TACR3: variants seen among roughly 807,000 people sequenced by gnomAD.
The protein encoded by TACR3 is tachykinin receptor 3.
Under a neutral mutation model 35.0 loss-of-function variants are expected in TACR3, and 34 were observed. The ratio of observed to expected loss-of-function variants is 0.97; its 90% CI spans 0.74 to 1.30. The LOEUF (loss-of-function observed/expected upper bound fraction) is 1.30. TACR3 is among the 50% of genes most tolerant of loss of function. The probability of loss-of-function intolerance (pLI) is 0.00; values close to 1 mark genes in which losing one functional copy is unlikely to be tolerated. For missense variants in TACR3, 558 were observed against 591.7 expected (o/e 0.94, Z 0.59); for synonymous variants, 233 against 221.1 (o/e 1.05, Z -0.48).
chr4:103,702,622 T>C (rs1722681673), intron 1 of TACR3, among the ~76,000 whole-genome samples: 1 of 152,036 alleles, frequency 6.6e-6, no homozygotes, highest in Admixed American at 6.6e-5. Flanking sequence ...TGCGGCACTA[T>C]TCACAATAGC....
intron 1 of TACR3, among the ~76,000 whole-genome samples, chr4:103,708,704 C>CT (rs1722859658): frequency 6.6e-6 from 1 of 152,190 alleles, no homozygotes; most frequent in Non-Finnish European, 1.5e-5. Flanking sequence ...GATCAAACTT[C>CT]TCTGAGCTAA....
chr4:103,598,570 G>T (rs966699666), intron 3 of TACR3, among the ~76,000 whole-genome samples: 9 of 151,932 alleles, frequency 5.9e-5, no homozygotes, highest in African/African-American at 1.7e-4. Context: ...TTTCTTCTAG[G>T]GTTTTTATGG....
At chr4:103,692,827 CTGCTAAGGGAGAGTCAT>C (rs779995950) in intron 1 of TACR3, among the ~76,000 whole-genome samples, 2 of 152,110 alleles carry the variant, frequency 1.3e-5, no homozygotes, top group Non-Finnish European at 2.9e-5. Context: ...GGCCAGGTTA[CTGCTAAGGGAGAGTCAT>C]TGCCCAGGCT....
chr4:103,708,302 A>G (rs1478106301), intron 1 of TACR3, among the ~76,000 whole-genome samples: 1 of 150,088 alleles, frequency 6.7e-6, no homozygotes, highest in Non-Finnish European at 1.5e-5. Flanking sequence ...TCTGAGATGA[A>G]GCTTCCAGAG....
At chr4:103,663,509 CAT>C (rs1027978237) in intron 1 of TACR3, among the ~76,000 whole-genome samples, 3 of 151,464 alleles carry the variant, frequency 2.0e-5, no homozygotes, top group Non-Finnish European at 4.4e-5. Flanking sequence ...AAATAAAAAA[CAT>C]ATATATAAAG....
chr4:103,690,361 G>T (rs1280205888), intron 1 of TACR3, among the ~76,000 whole-genome samples: 2 of 151,886 alleles, frequency 1.3e-5, no homozygotes, highest in African/African-American at 2.4e-5. Flanking sequence ...AAATGAAGTG[G>T]CAACATTAAT....
intron 1 of TACR3, among the ~76,000 whole-genome samples, chr4:103,690,436 G>C (rs1228678167): frequency 1.3e-5 from 2 of 152,028 alleles, no homozygotes; most frequent in African/African-American, 4.8e-5. Context: ...ATTAGAAAGA[G>C]ATACAGACAC....
At chr4:103,711,546 G>A (rs1413732418) in intron 1 of TACR3, among the ~76,000 whole-genome samples, 3 of 152,068 alleles carry the variant, frequency 2.0e-5, no homozygotes, top group Non-Finnish European at 2.9e-5. Context: ...CATAATGAAT[G>A]GGCAAAAACT....
At chr4:103,613,959 A>C (rs1032289469) in intron 3 of TACR3, among the ~76,000 whole-genome samples, 3 of 152,208 alleles carry the variant, frequency 2.0e-5, no homozygotes, top group Admixed American at 6.5e-5. Context: ...CTCCTCTTAT[A>C]GGGATACTCA....
chr4:103,636,621 A>G (rs1412072180), intron 3 of TACR3, among the ~76,000 whole-genome samples: 1 of 152,064 alleles, frequency 6.6e-6, no homozygotes, highest in Non-Finnish European at 1.5e-5. Context: ...GACACAAAAA[A>G]CCCTTCAAAA....
At chr4:103,703,569 T>A (rs1722713981) in intron 1 of TACR3, among the ~76,000 whole-genome samples, 1 of 152,124 alleles carries the variant, frequency 6.6e-6, no homozygotes, top group African/African-American at 2.4e-5. Context: ...AGAATTAGAT[T>A]AAGAATCTGA....
intron 1 of TACR3, among the ~76,000 whole-genome samples, chr4:103,687,090 A>T (rs555642938): frequency 1.3e-5 from 2 of 152,052 alleles, no homozygotes; most frequent in African/African-American, 4.8e-5. Flanking sequence ...GGCTGGTTCA[A>T]TATATGCAAA....
In TACR3 at chr4:103,596,655, C is replaced by A. The variant is rs552568357; in HGVS notation, c.889-4972G>T. Among the ~76,000 whole-genome samples the A allele has an allele frequency of 2.0e-5, 3 of 151,982 alleles. No individual in the cohort carries two copies. In the East Asian group the frequency reaches 5.8e-4, roughly 29 times the overall value. On this transcript the variant is annotated intron_variant, in intron 3 of 4. Coordinates refer to ENST00000304883, the MANE Select transcript of TACR3 (RefSeq NM_001059.3). ...TTTTAGGGTACATGTGCACAATGTGCAGGTTTGTTACATATGGATACATGT... is the reference window on the plus strand; with the variant it reads ...TTTTAGGGTACATGTGCACAATGTGAAGGTTTGTTACATATGGATACATGT...
intron 1 of TACR3, among the ~76,000 whole-genome samples, chr4:103,670,410 A>G (rs1319254477): frequency 2.0e-5 from 3 of 152,084 alleles, no homozygotes; most frequent in Non-Finnish European, 2.9e-5. Context: ...GAATCTGTAG[A>G]GTGCTTGGGG....
chr4:103,685,905 T>C (rs1424545901), intron 1 of TACR3, among the ~76,000 whole-genome samples: 1 of 152,162 alleles, frequency 6.6e-6, no homozygotes, highest in Non-Finnish European at 1.5e-5. Context: ...GGGACATCTA[T>C]GAGAACTACT....
intron 3 of TACR3, among the ~76,000 whole-genome samples, chr4:103,636,632 G>C (rs910612558): frequency 1.3e-5 from 2 of 151,762 alleles, no homozygotes; most frequent in African/African-American, 4.8e-5. Context: ...CCCTTCAAAA[G>C]ATTAATGAAT....
intron 3 of TACR3, among the ~76,000 whole-genome samples, chr4:103,635,811 C>T (rs1725175412): frequency 6.6e-6 from 1 of 151,806 alleles, no homozygotes; most frequent in African/African-American, 2.4e-5. Context: ...GTTAATGAGC[C>T]TAGAAAACAA....
At chr4:103,622,794 A>G (rs1428680947) in intron 3 of TACR3, among the ~76,000 whole-genome samples, 2 of 152,208 alleles carry the variant, frequency 1.3e-5, no homozygotes, top group African/African-American at 4.8e-5. Context: ...TTCAGGTACC[A>G]GAGAAGAACT....
intron 1 of TACR3, among the ~76,000 whole-genome samples, chr4:103,675,641 G>GGAGAT (rs1411551785): frequency 6.6e-6 from 1 of 152,128 alleles, no homozygotes; most frequent in Non-Finnish European, 1.5e-5. Flanking sequence ...TGAAGCTCTA[G>GGAGAT]GAGATGAACA....
Sources: gnomAD v4.1 joint callset for allele counts (sites outside exome capture counted in the v4.1 genomes callset) on GRCh38, gnomAD v4.1.1 for gene constraint, MANE v1.5 for transcripts, NCBI Gene and HGNC (gene_info 2026-07-23, HGNC 2026-07-21) for gene names.